Variants in RHBDL2 observed in about 807,000 individuals in gnomAD.
RHBDL2 encodes the protein rhomboid like 2.
In RHBDL2, 26 loss-of-function variants were observed where a neutral mutation model predicts 31.7. That is an observed-to-expected ratio of 0.82 (90% CI 0.60 to 1.14). The LOEUF (loss-of-function observed/expected upper bound fraction) is 1.14. Among genes scored for constraint, RHBDL2 ranks in the 50% most tolerant of loss-of-function variants. The pLI is 0.00. For missense variants in RHBDL2, 336 were observed against 364.4 expected (o/e 0.92, Z 0.63); for synonymous variants, 123 against 127.2 (o/e 0.97, Z 0.22).
chr1:38,895,934 AAGAGACTCG>A, intron 5 of RHBDL2, 26 bp downstream of exon 5: 1 of 1,367,296 alleles, frequency 7.3e-7, no homozygotes, highest in Admixed American at 2.0e-5. Context: ...CTGTTTTTTT[AAGAGACTCG>A]TGGACTCCAT....
At chr1:38,933,864 G>T (rs189229818) in intron 1 of RHBDL2, among the ~76,000 whole-genome samples, 147 of 152,058 alleles carry the variant, frequency 9.7e-4, no homozygotes, top group African/African-American at 3.4e-3. Flanking sequence ...AAGTAGCTGG[G>T]ATTACAAGTG....
intron 1 of RHBDL2, among the ~76,000 whole-genome samples, chr1:38,937,253 G>A (rs764671981): frequency 1.3e-5 from 2 of 152,092 alleles, no homozygotes; most frequent in African/African-American, 4.8e-5. Context: ...GCCCCTGGCC[G>A]AGTATTCTTA....
Position 38,919,293 on chromosome 1 carries a change from C to T in RHBDL2, c.-81G>A. Reference sequence around the variant, plus strand: ...GGCCCTAGGTCCTCAGGCTGCCGCTCTTCCCTGGGCTGTCTGGCGCAACGA... The same window carrying T: ...GGCCCTAGGTCCTCAGGCTGCCGCTTTTCCCTGGGCTGTCTGGCGCAACGA... On this transcript the variant is annotated 5_prime_UTR_variant, in exon 2 of 8. Transcript: ENST00000372990. 1 of 1,609,722 alleles carries T rather than the reference C, an allele frequency of 6.2e-7. No individual in the cohort carries two copies.
At chr1:38,922,001 G>C (rs548571014) in intron 1 of RHBDL2, among the ~76,000 whole-genome samples, 2 of 152,200 alleles carry the variant, frequency 1.3e-5, no homozygotes, top group South Asian at 4.2e-4. Context: ...CTGTATAAAA[G>C]GAGCTACAAA....
At chr1:38,927,479 G>A (rs759719165) in intron 1 of RHBDL2, among the ~76,000 whole-genome samples, 2 of 152,042 alleles carry the variant, frequency 1.3e-5, no homozygotes, top group Admixed American at 6.6e-5. Context: ...CTGCAAGGCC[G>A]CACCACTTCC....
At chr1:38,918,129 A>G (rs1326934330) in intron 2 of RHBDL2, among the ~76,000 whole-genome samples, 1 of 152,168 alleles carries the variant, frequency 6.6e-6, no homozygotes, top group Non-Finnish European at 1.5e-5. Context: ...CATTTGAGCT[A>G]ATTCCTTAAA....
chr1:38,915,515 A>G (rs746212177), intron 3 of RHBDL2, 47 bp downstream of exon 3: 2 of 1,591,984 alleles, frequency 1.3e-6, no homozygotes, highest in Non-Finnish European at 1.7e-6. Flanking sequence ...AGAGGTTACA[A>G]TGATATAATC....
chr1:38,901,269 C>T (rs1642984882), intron 4 of RHBDL2, among the ~76,000 whole-genome samples: 5 of 151,302 alleles, frequency 3.3e-5, no homozygotes, highest in Admixed American at 3.3e-4. Flanking sequence ...TCAAGACAAC[C>T]TGGCCAAAGT....
At chr1:38,912,223 A>G (rs1033157754) in intron 3 of RHBDL2, among the ~76,000 whole-genome samples, 4 of 151,988 alleles carry the variant, frequency 2.6e-5, no homozygotes, top group Admixed American at 2.0e-4. Flanking sequence ...TACCTGCCTC[A>G]GCCTCCCAAA....
At chr1:38,905,065 T>A (rs930309482) in intron 4 of RHBDL2, among the ~76,000 whole-genome samples, 1 of 150,606 alleles carries the variant, frequency 6.6e-6, no homozygotes. Flanking sequence ...AATTATAGAT[T>A]TAATATTTAT....
intron 4 of RHBDL2, among the ~76,000 whole-genome samples, chr1:38,905,414 T>G (rs904778411): frequency 6.6e-6 from 1 of 151,650 alleles, no homozygotes; most frequent in African/African-American, 2.4e-5. Context: ...GATTTCTTGT[T>G]CATTTTTTAG....
rs1250507331 is a variant in RHBDL2 at position 38,909,424 on chromosome 1, G to C, written c.508+1898C>G. Among the ~76,000 whole-genome samples, 3 of 152,040 alleles carry C rather than the reference G, an allele frequency of 2.0e-5. No homozygotes were observed. The East Asian group carries it at 5.8e-4, about 29-fold the overall frequency. On this transcript the variant is annotated intron_variant, in intron 4 of 7. Coordinates refer to ENST00000372990, the MANE Select transcript of RHBDL2 (RefSeq NM_017821.5). ...CTACGGTGAATGTAAAATGGGAGAG[G>C]CATTCTAGAAAACATTCTTTAAATG...
intron 1 of RHBDL2, among the ~76,000 whole-genome samples, chr1:38,929,861 A>G (rs1643422308): frequency 6.6e-6 from 1 of 152,254 alleles, no homozygotes; most frequent in Non-Finnish European, 1.5e-5. Context: ...TTTTTTAGCT[A>G]CAGAAATTAA....
intron 4 of RHBDL2, among the ~76,000 whole-genome samples, chr1:38,910,753 C>CTTTTTTTTTTTTTTTTT (rs765064879): frequency 2.3e-4 from 25 of 111,038 alleles, no homozygotes; most frequent in East Asian, 7.5e-4. Context: ...TATTCCTTTT[C>CTTTTTTTTTTTTTTTTT]TTTTTTTTTT....
chr1:38,938,042 G>A (rs1398659227), intron 1 of RHBDL2, among the ~76,000 whole-genome samples: 2 of 151,182 alleles, frequency 1.3e-5, no homozygotes, highest in Non-Finnish European at 2.9e-5. Context: ...TTTTGAGACA[G>A]TGTCTCACTC....
intron 4 of RHBDL2, among the ~76,000 whole-genome samples, chr1:38,908,264 G>A (rs1479360702): frequency 6.6e-6 from 1 of 151,720 alleles, no homozygotes; most frequent in Non-Finnish European, 1.5e-5. Context: ...TGTAATCCCA[G>A]CACTTTGGGA....
intron 4 of RHBDL2, among the ~76,000 whole-genome samples, chr1:38,897,989 G>A (rs1642941868): frequency 6.6e-6 from 1 of 152,002 alleles, no homozygotes; most frequent in African/African-American, 2.4e-5. Context: ...AAATTAGCCG[G>A]GCATGGTGGC....
At chr1:38,911,522 T>C (rs1281467047) in intron 3 of RHBDL2, 88 bp from the exon 4 acceptor site, 7 of 851,676 alleles carry the variant, frequency 8.2e-6, no homozygotes, top group African/African-American at 1.7e-5. Context: ...ATGTGTTTTC[T>C]CTAGTTAAGG....
Position 38,918,953 on chromosome 1 carries a change from C to A in RHBDL2, c.246+14G>T. ...ATGCCACTTACCCCGGTGCCCACCC[C>A]GCTCCCCATTCACCTCGGCCAGGCT... On this transcript the variant is annotated intron_variant, in intron 2 of 7. Transcript: ENST00000372990. 1 of 1,606,668 alleles carries A rather than the reference C, an allele frequency of 6.2e-7. No homozygotes were observed. Among genetic ancestry groups the A allele is most frequent in the East Asian group, 2.2e-5 (1 of 44,766 alleles).
Sources: allele counts gnomAD v4.1 joint callset (sites outside exome capture counted in the v4.1 genomes callset), GRCh38; gene constraint gnomAD v4.1.1; transcripts MANE v1.5; gene names NCBI Gene and HGNC (gene_info 2026-07-23, HGNC 2026-07-21).